GCNT2: variants seen among roughly 807,000 people sequenced by gnomAD.
GCNT2 encodes N-acetyllactosaminide beta-1,6-N-acetylglucosaminyl-transferase.
GCNT2 carries 34 observed loss-of-function variants against 34.2 expected under a neutral mutation model. The observed-to-expected ratio is 1.00, with a 90% confidence interval of 0.76 to 1.32. The LOEUF (loss-of-function observed/expected upper bound fraction) is 1.32. Ranked by LOEUF, GCNT2 falls within the 40% of genes most tolerant of loss-of-function variation. GCNT2 has a pLI of 0.00. For synonymous variants in GCNT2, 212 were observed against 188.0 expected (o/e 1.13, Z -1.04); for missense variants, 584 against 489.4 (o/e 1.19, Z -1.82).
intron 3 of GCNT2, among the ~76,000 whole-genome samples, chr6:10,531,874 C>CTTTTTTTTTTT (rs71548846): frequency 7.7e-6 from 1 of 129,586 alleles, no homozygotes; most frequent in Non-Finnish European, 1.6e-5. Flanking sequence ...CCAATCCCCA[C>CTTTTTTTTTTT]TTTTTTTTTT....
At chr6:10,583,378 C>T (rs957028412) in intron 3 of GCNT2, among the ~76,000 whole-genome samples, 5 of 152,114 alleles carry the variant, frequency 3.3e-5, no homozygotes, top group South Asian at 2.1e-4. Flanking sequence ...CCGGCAGGTA[C>T]GATTGCTAGG....
intron 3 of GCNT2, among the ~76,000 whole-genome samples, chr6:10,532,840 C>G (rs750791060): frequency 6.6e-6 from 1 of 151,392 alleles, no homozygotes; most frequent in Non-Finnish European, 1.5e-5. Context: ...ATTATTATTC[C>G]GGCTATGTGG....
chr6:10,537,426 T>C (rs1435324753), intron 3 of GCNT2, among the ~76,000 whole-genome samples: 1 of 151,930 alleles, frequency 6.6e-6, no homozygotes, highest in East Asian at 1.9e-4. Flanking sequence ...AATGGCCACG[T>C]GGGGTGGCTA....
At position 10,628,221 on chromosome 6, in the gene GCNT2, G is replaced by A. The variant is rs996943592; in HGVS notation, c.*1614G>A. 6.6e-6 allele frequency: 1 copy of A among 152,622 alleles called. No individual in the cohort carries two copies. Among genetic ancestry groups the A allele is most frequent in the Non-Finnish European group, 1.5e-5 (1 of 68,026 alleles). 9.5% of individuals were successfully genotyped at this position (152,622 alleles called of 1,614,324 possible). ...AAAGTCCTGTCAGTTCAGAAAAAAT[G>A]TGAAGTCTACTTTAGTATTCCTGTA... On this transcript the variant is annotated 3_prime_UTR_variant, in exon 5 of 5. Coordinates refer to ENST00000495262, the MANE Select transcript of GCNT2 (RefSeq NM_145649.5).
At chr6:10,544,929 A>T (rs1762202861) in intron 3 of GCNT2, among the ~76,000 whole-genome samples, 1 of 149,266 alleles carries the variant, frequency 6.7e-6, no homozygotes, top group South Asian at 2.1e-4. Context: ...TTGGCAACAG[A>T]GCAAAAACTC....
Position 10,567,357 on chromosome 6 carries a change from T to C in GCNT2, c.925+37521T>C, listed in dbSNP as rs543623910. On this transcript the variant is annotated intron_variant, in intron 3 of 4. Transcript: ENST00000495262. Reference sequence around the variant, plus strand: ...CTGTGGTACCAGCTACTTGGGAGGCTGAGGTGGGAGGGTCACTTGAGCCCC... The same window carrying C: ...CTGTGGTACCAGCTACTTGGGAGGCCGAGGTGGGAGGGTCACTTGAGCCCC... 1.2e-4 allele frequency among the ~76,000 whole-genome samples: 18 copies of C among 152,134 alleles called. No homozygotes were observed. The East Asian group carries it at 3.1e-3, about 26-fold the overall frequency.
At chr6:10,555,811 T>C (rs1295501035) in intron 3 of GCNT2, 1 of 985,282 alleles carries the variant, frequency 1.0e-6, no homozygotes, top group Non-Finnish European at 1.2e-6. Context: ...GAGATGTCAC[T>C]TGTGTCACGT....
intron 3 of GCNT2, among the ~76,000 whole-genome samples, chr6:10,588,809 GGTGTATGTGTGTTTGCA>G (rs1270832195): frequency 8.1e-6 from 1 of 123,672 alleles, no homozygotes; most frequent in African/African-American, 2.9e-5. Context: ...GTGTGTGTGT[GGTGTATGTGTGTTTGCA>G]GTGTATGTGT....
chr6:10,575,049 T>G, intron 3 of GCNT2: 1 of 612,208 alleles, frequency 1.6e-6, no homozygotes, highest in Non-Finnish European at 3.1e-6. Context: ...CTCTTCCCAT[T>G]TAGCCATGGT....
chr6:10,521,789 A>G (rs1760927772), intron 1 of GCNT2, among the ~76,000 whole-genome samples: 1 of 152,056 alleles, frequency 6.6e-6, no homozygotes, highest in Non-Finnish European at 1.5e-5. Context: ...TTAACTTTGT[A>G]GGAAAGAACA....
intron 3 of GCNT2, among the ~76,000 whole-genome samples, chr6:10,579,893 T>C (rs1763997445): frequency 2.0e-5 from 3 of 151,756 alleles, no homozygotes; most frequent in Admixed American, 6.6e-5. Context: ...CCGGTATCCT[T>C]ACACCAAATG....
chr6:10,601,643 TTAAAAG>T (rs1205084486), intron 3 of GCNT2, among the ~76,000 whole-genome samples: 3 of 152,076 alleles, frequency 2.0e-5, no homozygotes, highest in Admixed American at 2.0e-4. Context: ...ATTCAAGTAT[TTAAAAG>T]TAAAGCCCTT....
chr6:10,612,538 T>A (rs1452060857), intron 3 of GCNT2, among the ~76,000 whole-genome samples: 1 of 152,202 alleles, frequency 6.6e-6, no homozygotes, highest in African/African-American at 2.4e-5. Context: ...CTTTAGATTA[T>A]AGTAAAAAAA....
chr6:10,531,040 CAA>C (rs568195630), intron 3 of GCNT2, among the ~76,000 whole-genome samples: 31 of 95,732 alleles, frequency 3.2e-4, no homozygotes, highest in Admixed American at 5.7e-4. Context: ...GACTCTGTCT[CAA>C]AAAAAAAAAA....
chr6:10,556,235 G>T lies in GCNT2; in HGVS notation c.925+26399G>T. ...GGTTTGAGAGAGGCGGGATCTGGCT[G>T]TAATATCGGCACAGGGACAGAGACA... On this transcript the variant is annotated intron_variant, in intron 3 of 4. Coordinates refer to ENST00000495262, the MANE Select transcript of GCNT2 (RefSeq NM_145649.5). 6.2e-6 allele frequency: 9 copies of T among 1,446,594 alleles called. No individual in the cohort carries two copies. The South Asian group carries it at 1.3e-4, about 21-fold the overall frequency. The allele number at this position is 1,446,594 out of a possible 1,614,324, so 89.6% of individuals were successfully genotyped here.
rs1329937233 is a variant in GCNT2, at chr6:10,529,819, C to T, written c.908C>T (p.Thr303Ile). The change falls in exon 3 of 5, where the codon ACA becomes ATA. Residue 303 changes from threonine (T) to isoleucine (I), a missense_variant. Physicochemically the swap from Thr to Ile is moderately conservative, Grantham distance 89. Transcript: ENST00000495262. ...TYSPDEHFWV[T>I]LNRIPGVPGS... ...AGCCCCGACGAACATTTCTGGGTGA[C>T]ACTCAACAGGATTCCCGGTATGTAC... 2 of 1,613,356 alleles carry T rather than the reference C, an allele frequency of 1.2e-6. No individual in the cohort carries two copies. Among genetic ancestry groups the T allele is most frequent in the African/African-American group, 2.7e-5 (2 of 74,902 alleles).
intron 3 of GCNT2, among the ~76,000 whole-genome samples, chr6:10,537,654 T>C (rs1761824567): frequency 1.5e-5 from 2 of 136,378 alleles, no homozygotes; most frequent in Admixed American, 8.6e-5. Context: ...TGAGCCGAGA[T>C]TGTGCCACTG....
In GCNT2 at chr6:10,529,091, A is replaced by C. The variant is rs1761342343; in HGVS notation, c.180A>C (p.Pro60=). 6.2e-7 allele frequency: 1 copy of C among 1,614,160 alleles called. No homozygotes were observed. The highest frequency in any genetic ancestry group is 8.5e-7 in the Non-Finnish European group (1 of 1,180,010). The change falls in exon 3 of 5, where the codon CCA becomes CCC. Residue 60 remains proline, a synonymous_variant. Transcript: ENST00000495262. ...HQIFEGKVFY[P]TENALKTTLD... Reference sequence around the variant, plus strand: ...TTTTTGAGGGGAAAGTTTTTTACCCAACAGAAAATGCATTGAAAACTACCC... The same window carrying C: ...TTTTTGAGGGGAAAGTTTTTTACCCCACAGAAAATGCATTGAAAACTACCC...
chr6:10,605,787 A>C (rs1038215925), intron 3 of GCNT2, among the ~76,000 whole-genome samples: 4 of 152,178 alleles, frequency 2.6e-5, no homozygotes, highest in South Asian at 2.1e-4. Context: ...AAATCAGTTA[A>C]GATTTTCCTG....
Sources: gnomAD v4.1 joint callset for allele counts (sites outside exome capture counted in the v4.1 genomes callset) on GRCh38, gnomAD v4.1.1 for gene constraint, MANE v1.5 for transcripts, NCBI Gene and HGNC (gene_info 2026-07-23, HGNC 2026-07-21) for gene names.